CABP5: variants seen among roughly 807,000 people sequenced by gnomAD.
CABP5 encodes calcium-binding protein 5.
Under a neutral mutation model 21.9 loss-of-function variants are expected in CABP5, and 17 were observed. That is an observed-to-expected ratio of 0.78 (90% CI 0.53 to 1.17). CABP5 has a LOEUF of 1.17. Ranked by LOEUF, CABP5 falls within the 50% of genes most tolerant of loss-of-function variation. The pLI is 0.00. For synonymous variants in CABP5, 85 were observed against 79.4 expected (o/e 1.07, Z -0.37); for missense variants, 229 against 228.9 (o/e 1.00, Z 0.00).
Position 48,041,585 on chromosome 19 carries a change from C to T in CABP5, c.82G>A (p.Asp28Asn). Residue 28 changes from aspartate (D) to asparagine (N), a missense_variant, in exon 2 of 6, where the codon GAT becomes AAT. By Grantham distance (23) the Asp-to-Asn change is conservative (BLOSUM62 1). Coordinates refer to ENST00000293255, the MANE Select transcript of CABP5 (RefSeq NM_019855.5). ...AAGACGGTGTTACCTTCAATCTCAT[C>T]TTGTCCCAGTGGTCTTTCCTGGAAA... Reference protein sequence around the residue: ...EKQRERPLGQDEIEELREAFL... With the variant: ...EKQRERPLGQNEIEELREAFL... 1 of 1,611,970 alleles carries T rather than the reference C, an allele frequency of 6.2e-7. No homozygotes were observed. The highest frequency in any genetic ancestry group is 8.5e-7 in the Non-Finnish European group (1 of 1,179,406).
rs771739690 is a variant in CABP5, at chr19:48,041,590, C to T, written c.77G>A (p.Gly26Glu). ...IAEKQRERPL[G>E]QDEIEELREA... ...GGTGTTACCTTCAATCTCATCTTGT[C>T]CCAGTGGTCTTTCCTGGAAAGGAAT... The change falls in exon 2 of 6, where the codon GGA becomes GAA. Residue 26 changes from glycine (G) to glutamate (E), a missense_variant. Coordinates refer to ENST00000293255, the MANE Select transcript of CABP5 (RefSeq NM_019855.5). 3.1e-6 allele frequency: 5 copies of T among 1,611,140 alleles called. No individual in the cohort carries two copies. The African/African-American group carries it at 6.7e-5, about 22-fold the overall frequency.
intron 1 of CABP5, among the ~76,000 whole-genome samples, chr19:48,043,344 A>C (rs1387352291): frequency 6.6e-6 from 1 of 151,118 alleles, no homozygotes; most frequent in Non-Finnish European, 1.5e-5. Flanking sequence ...CTTAAGGCAA[A>C]TGACTTCATG....
intron 3 of CABP5, among the ~76,000 whole-genome samples, chr19:48,039,703 CTTTTTTTTTT>C (rs772482700): frequency 8.4e-5 from 5 of 59,230 alleles, no homozygotes; most frequent in African/African-American, 2.1e-4. Flanking sequence ...AACCCAATAG[CTTTTTTTTTT>C]TTTTTTTTTT....
At chr19:48,034,576 C>T (rs1376336122) in intron 4 of CABP5, among the ~76,000 whole-genome samples, 3 of 144,306 alleles carry the variant, frequency 2.1e-5, no homozygotes, top group African/African-American at 5.2e-5. Flanking sequence ...GAGACAGTCT[C>T]ACCCTGTCAC....
At position 48,037,259 on chromosome 19, in the gene CABP5, CTTTTTTTTTTTT is replaced by C. The variant is rs57230665; in HGVS notation, c.348+1937_348+1948del. On this transcript the variant is annotated intron_variant, in intron 4 of 5. Coordinates refer to ENST00000293255, the MANE Select transcript of CABP5 (RefSeq NM_019855.5). ...AAGTACACAATGGAATACTATTCAG[CTTTTTTTTTTTT>C]TTTTTTTTTTTTTTGAGGTGGAGTT... Among the ~76,000 whole-genome samples, 2 of 44,958 alleles carry C rather than the reference CTTTTTTTTTTTT, an allele frequency of 4.4e-5. 1 individual carries two copies. Among genetic ancestry groups the C allele is most frequent in the Non-Finnish European group, 8.0e-5 (2 of 24,884 alleles). The allele number at this position is 44,958 out of a possible 152,430, so 29.5% of individuals were successfully genotyped here.
At chr19:48,039,101 A>T (rs1045492617) in intron 4 of CABP5, 107 bp downstream of exon 4, 13 of 784,874 alleles carry the variant, frequency 1.7e-5, no homozygotes, top group Non-Finnish European at 2.6e-5. Context: ...GGAAAAAAAA[A>T]GGTGGGGGCC....
Position 48,040,560 on chromosome 19 carries a change from A to T in CABP5, c.238+45T>A, listed in dbSNP as rs144514118. On this transcript the variant is annotated intron_variant, in intron 3 of 5. Coordinates refer to ENST00000293255, the MANE Select transcript of CABP5 (RefSeq NM_019855.5). ...CTACATCCTTCCCAATTCTGCCCTG[A>T]TCCCTTCCCTAACCCCGGCCATCCC... 6.8e-6 allele frequency: 11 copies of T among 1,609,178 alleles called. No individual in the cohort carries two copies. The Admixed American group carries it at 1.8e-4, about 27-fold the overall frequency.
intron 2 of CABP5, among the ~76,000 whole-genome samples, 163 bp from the exon 3 acceptor site, chr19:48,040,911 T>G (rs1166125334): frequency 6.6e-6 from 1 of 152,124 alleles, no homozygotes; most frequent in Non-Finnish European, 1.5e-5. Context: ...ATGTGGTGGC[T>G]CATGGCTGTA....
At chr19:48,040,319 T>C (rs1253352064) in intron 3 of CABP5, among the ~76,000 whole-genome samples, 1 of 152,198 alleles carries the variant, frequency 6.6e-6, no homozygotes, top group African/African-American at 2.4e-5. Context: ...TCTTCCTCTA[T>C]AGATGAGGAA....
intron 2 of CABP5, chr19:48,041,210 GGA>G (rs1385975987): frequency 1.1e-4 from 34 of 303,364 alleles, no homozygotes; most frequent in South Asian, 1.1e-3. Context: ...AATTCAAAAA[GGA>G]GTGATGTATG....
intron 4 of CABP5, among the ~76,000 whole-genome samples, chr19:48,038,859 A>G (rs755568349): frequency 1.3e-5 from 2 of 151,954 alleles, no homozygotes; most frequent in Non-Finnish European, 1.5e-5. Context: ...TATTCTAGAG[A>G]TGGCAGGATC....
intron 3 of CABP5, among the ~76,000 whole-genome samples, chr19:48,039,976 G>C (rs1388028508): frequency 6.6e-6 from 1 of 151,908 alleles, no homozygotes; most frequent in Non-Finnish European, 1.5e-5. Context: ...CAGCCTCCCA[G>C]AGTGCTGGAA....
At chr19:48,042,418 T>C (rs1038836372) in intron 1 of CABP5, among the ~76,000 whole-genome samples, 17 of 152,152 alleles carry the variant, frequency 1.1e-4, no homozygotes, top group African/African-American at 3.1e-4. Flanking sequence ...ACCTGAAGGG[T>C]TGGGCTTACA....
intron 4 of CABP5, among the ~76,000 whole-genome samples, chr19:48,037,457 G>A (rs111784716): frequency 0.082 from 12,385 of 151,104 alleles, 552 homozygotes; most frequent in South Asian, 0.1. Context: ...TAGTAGAGAC[G>A]GGGTTTCTCC....
chr19:48,037,259 C>CTTTTTTTTTTT (rs57230665), intron 4 of CABP5, among the ~76,000 whole-genome samples: 2,215 of 44,940 alleles, frequency 0.049, 667 homozygotes, highest in East Asian at 0.11. Context: ...TACTATTCAG[C>CTTTTTTTTTTT]TTTTTTTTTT....
chr19:48,038,600 G>A (rs1351815012), intron 4 of CABP5, among the ~76,000 whole-genome samples: 1 of 152,164 alleles, frequency 6.6e-6, no homozygotes, highest in African/African-American at 2.4e-5. Context: ...ACCGAGGCAG[G>A]TGGATCACTT....
chr19:48,033,835 C>T (rs35236547), intron 5 of CABP5, among the ~76,000 whole-genome samples: 30,887 of 151,972 alleles, frequency 0.2, 4,077 homozygotes, highest in Non-Finnish European at 0.28. Flanking sequence ...AATTTGAAGC[C>T]CCTGAACCTG....
rs767937575 is a variant in CABP5, at chr19:48,043,864, T to C, written c.59A>G (p.Gln20Arg). 1.4e-5 allele frequency: 21 copies of C among 1,486,598 alleles called. 1 individual carries two copies. The East Asian group carries it at 5.5e-4, about 39-fold the overall frequency. The allele number at this position is 1,486,598 out of a possible 1,614,324, so 92.1% of individuals were successfully genotyped here. The change falls in exon 1 of 6, where the codon CAG becomes CGG. Residue 20 changes from glutamine to arginine, a missense_variant. By Grantham distance (43) the Gln-to-Arg change is conservative. Transcript: ENST00000293255. ...CCCCCTCACTCCCCACCTCACCCGC[T>C]GTTTCTCAGCAATGCCTTTCCTCAA... ...IFLRKGIAEK[Q>R]RERPLGQDEI...
In CABP5 at chr19:48,034,297, C is replaced by T; in HGVS notation, c.414G>A (p.Leu138=). ...TCTCCCGGGGGGTGAGCCGCTCCCC[C>T]AGGAGTCTCTGCATGGCCTGCTGTA... is the stretch of plus-strand genomic sequence containing the variant. ...VELQQAMQRL[L]GERLTPREIS... The change falls in exon 5 of 6, where the codon CTG becomes CTA. Residue 138 remains leucine, a synonymous_variant. Coordinates refer to ENST00000293255, the MANE Select transcript of CABP5 (RefSeq NM_019855.5). 1.9e-6 allele frequency: 3 copies of T among 1,609,516 alleles called. No homozygotes were observed. The highest frequency in any genetic ancestry group is 2.5e-6 in the Non-Finnish European group (3 of 1,178,274).
Sources: gnomAD v4.1 joint callset for allele counts (sites outside exome capture counted in the v4.1 genomes callset) on GRCh38, gnomAD v4.1.1 for gene constraint, MANE v1.5 for transcripts, NCBI Gene and HGNC (gene_info 2026-07-23, HGNC 2026-07-21) for gene names.